Variants in PTPN13 observed in about 807,000 individuals in gnomAD.
PTPN13 encodes the protein tyrosine-protein phosphatase non-receptor type 13.
Under a neutral mutation model 284.0 loss-of-function variants are expected in PTPN13, and 191 were observed. The observed-to-expected ratio is 0.67, with a 90% CI of 0.60 to 0.76. PTPN13 has a LOEUF of 0.76. Ranked by LOEUF, PTPN13 falls within the 30% of genes least tolerant of loss-of-function variation. PTPN13 has a pLI of 0.00. For synonymous variants in PTPN13, 986 were observed against 1,022.3 expected (o/e 0.96, Z 0.68); for missense variants, 2,797 against 2,939.9 (o/e 0.95, Z 1.12).
intron 40 of PTPN13, among the ~76,000 whole-genome samples, chr4:86,793,240 A>G (rs1742899932): frequency 6.6e-6 from 1 of 152,232 alleles, no homozygotes; most frequent in Non-Finnish European, 1.5e-5. Flanking sequence ...TTAAACCAAC[A>G]AAGATCAAAA....
intron 1 of PTPN13, among the ~76,000 whole-genome samples, chr4:86,601,712 A>G (rs1039930154): frequency 1.3e-5 from 2 of 152,178 alleles, no homozygotes; most frequent in Admixed American, 6.5e-5. Context: ...TGAGATACTA[A>G]CATTCAATTG....
At chr4:86,616,384 T>G (rs1333021494) in intron 1 of PTPN13, among the ~76,000 whole-genome samples, 8 of 152,138 alleles carry the variant, frequency 5.3e-5, no homozygotes, top group Non-Finnish European at 7.4e-5. Context: ...GAGGTAAGAA[T>G]TGATCAATGA....
chr4:86,777,712 A>G (rs184705744), intron 35 of PTPN13, among the ~76,000 whole-genome samples: 39 of 152,318 alleles, frequency 2.6e-4, no homozygotes, highest in African/African-American at 9.1e-4. Flanking sequence ...GAACTTGTTG[A>G]TCAAATCATT....
intron 2 of PTPN13, among the ~76,000 whole-genome samples, chr4:86,657,029 G>T (rs1483643871): frequency 6.6e-6 from 1 of 152,234 alleles, no homozygotes; most frequent in Non-Finnish European, 1.5e-5. Flanking sequence ...CAAGCCAGGA[G>T]CAGGATATTA....
At chr4:86,626,451 C>A (rs1721844027) in intron 1 of PTPN13, among the ~76,000 whole-genome samples, 2 of 152,162 alleles carry the variant, frequency 1.3e-5, no homozygotes, top group East Asian at 3.9e-4. Context: ...ATTCCTTTTT[C>A]TCTTAAAATT....
At chr4:86,628,014 A>G (rs151283594) in intron 1 of PTPN13, among the ~76,000 whole-genome samples, 1,551 of 152,246 alleles carry the variant, frequency 0.01, 37 homozygotes, top group African/African-American at 0.036. Flanking sequence ...TAAAACTGCT[A>G]TGAACATTTG....
At chr4:86,656,920 A>C (rs1159713466) in intron 2 of PTPN13, among the ~76,000 whole-genome samples, 2 of 152,204 alleles carry the variant, frequency 1.3e-5, no homozygotes, top group African/African-American at 4.8e-5. Context: ...AAGCCTCAGC[A>C]ATGGCAGGCG....
intron 1 of PTPN13, among the ~76,000 whole-genome samples, chr4:86,621,010 A>C (rs987220404): frequency 6.6e-6 from 1 of 152,308 alleles, no homozygotes; most frequent in East Asian, 1.9e-4. Flanking sequence ...TTTCTCCCTA[A>C]AACACAGATT....
At chr4:86,801,088 C>G (rs1743981466) in intron 42 of PTPN13, among the ~76,000 whole-genome samples, 1 of 152,216 alleles carries the variant, frequency 6.6e-6, no homozygotes, top group African/African-American at 2.4e-5. Context: ...AGACGTTTCC[C>G]TTCCCTTTTT....
intron 28 of PTPN13, among the ~76,000 whole-genome samples, chr4:86,769,447 T>C (rs1172267524): frequency 1.3e-5 from 2 of 152,134 alleles, no homozygotes; most frequent in African/African-American, 4.8e-5. Context: ...TTTATAGGCA[T>C]GAGCCACTGT....
intron 6 of PTPN13, among the ~76,000 whole-genome samples, chr4:86,700,588 T>A (rs779830738): frequency 1.3e-4 from 20 of 152,250 alleles, no homozygotes; most frequent in Non-Finnish European, 1.9e-4. Flanking sequence ...AGGAAAAAAC[T>A]TTTTTAGTGC....
intron 2 of PTPN13, among the ~76,000 whole-genome samples, chr4:86,671,413 T>C (rs1727708404): frequency 6.6e-6 from 1 of 152,280 alleles, no homozygotes; most frequent in East Asian, 1.9e-4. Context: ...CTATAGCTAT[T>C]ATCTTGAGTC....
chr4:86,653,155 C>A (rs1206022645), intron 2 of PTPN13, among the ~76,000 whole-genome samples: 1 of 151,996 alleles, frequency 6.6e-6, no homozygotes, highest in Admixed American at 6.6e-5. Context: ...CTCTTGTTTT[C>A]TTGATGTTCA....
intron 7 of PTPN13, among the ~76,000 whole-genome samples, chr4:86,712,777 T>C (rs967881080): frequency 2.0e-5 from 3 of 152,074 alleles, no homozygotes; most frequent in African/African-American, 7.2e-5. Flanking sequence ...AAATGATTTA[T>C]TATGTTTTTA....
chr4:86,708,472 T>C (rs562261097), intron 7 of PTPN13, among the ~76,000 whole-genome samples: 1 of 152,136 alleles, frequency 6.6e-6, no homozygotes, highest in Admixed American at 6.6e-5. Flanking sequence ...GTGTCTGTAC[T>C]CATGATAACG....
chr4:86,680,284 G>A (rs1236982998), intron 3 of PTPN13, among the ~76,000 whole-genome samples: 1 of 151,950 alleles, frequency 6.6e-6, no homozygotes, highest in East Asian at 1.9e-4. Flanking sequence ...TGTCCTACAG[G>A]ACTTATATTA....
chr4:86,761,367 A>G (rs1738677020), intron 23 of PTPN13, among the ~76,000 whole-genome samples: 1 of 151,940 alleles, frequency 6.6e-6, no homozygotes. Context: ...GTTAGCTATA[A>G]TTCTATTATA....
rs577788607 is a variant in PTPN13, at chr4:86,602,662, A to G, written c.-6+7873A>G. Among the ~76,000 whole-genome samples, 4 of 150,294 alleles carry G rather than the reference A, an allele frequency of 2.7e-5. No individual in the cohort carries two copies. In the South Asian group the frequency reaches 6.4e-4, roughly 24 times the overall value. On this transcript the variant is annotated intron_variant, in intron 1 of 47. Transcript: ENST00000411767. ...TACTAGAACTTGTGAAATGAATGTC[A>G]TCCTTTTCAAACTACTATAATTATT...
chr4:86,625,465 G>A (rs180893682), intron 1 of PTPN13, among the ~76,000 whole-genome samples: 15 of 151,894 alleles, frequency 9.9e-5, no homozygotes, highest in African/African-American at 3.6e-4. Context: ...GAATCCCATG[G>A]CACTTTGAAC....
Sources: allele counts gnomAD v4.1 joint callset (sites outside exome capture counted in the v4.1 genomes callset), GRCh38; gene constraint gnomAD v4.1.1; transcripts MANE v1.5; gene names NCBI Gene and HGNC (gene_info 2026-07-23, HGNC 2026-07-21).